The following CPNE9 variants were observed in gnomAD, a reference collection of about 807,000 sequenced individuals.
CPNE9 encodes the protein copine family member 9.
Under a neutral mutation model 83.0 loss-of-function variants are expected in CPNE9, and 59 were observed. That is an observed-to-expected ratio of 0.71 (90% CI 0.58 to 0.88). The LOEUF (loss-of-function observed/expected upper bound fraction) is 0.88. Among genes scored for constraint, CPNE9 ranks in the 40% least tolerant of loss-of-function variants. The probability of loss-of-function intolerance (pLI) is 0.00; values close to 1 mark genes in which losing one functional copy is unlikely to be tolerated. For synonymous variants in CPNE9, 256 were observed against 273.4 expected, an observed-to-expected ratio of 0.94 and a Z score of 0.63; for missense variants, 619 against 720.8, an observed-to-expected ratio of 0.86 and a Z score of 1.62.
chr3:9,704,651 G>A lies in CPNE9; in HGVS notation c.109+24G>A. ...CAGTAGGCGGCTCCAGGACCGGGAG[G>A]GGGAACTTGGGGTCTGGGCGCGACT... is the stretch of plus-strand genomic sequence containing the variant. On this transcript the variant is annotated intron_variant, in intron 2 of 20. Transcript: ENST00000383832. The surrounding 1 kb of genome is among the most constrained non-coding windows in gnomAD (Gnocchi z 7.1). 6.2e-7 allele frequency: 1 copy of A among 1,613,540 alleles called. No homozygotes were observed. The highest frequency in any genetic ancestry group is 8.5e-7 in the Non-Finnish European group (1 of 1,179,484).
intron 17 of CPNE9, among the ~76,000 whole-genome samples, chr3:9,724,157 G>T (rs2076756376): frequency 6.6e-6 from 1 of 150,950 alleles, no homozygotes; most frequent in Non-Finnish European, 1.5e-5. Flanking sequence ...AGAGACCAGG[G>T]TCTCCCACTA....
intron 8 of CPNE9, 60 bp from the exon 9 acceptor site, chr3:9,712,665 G>A: frequency 4.4e-6 from 7 of 1,606,684 alleles, no homozygotes; most frequent in Non-Finnish European, 6.0e-6. Context: ...ACCCTTTAAT[G>A]GACTGTCTGA....
At chr3:9,706,178 G>GC (rs2076562467) in intron 7 of CPNE9, 115 bp downstream of exon 7, 2 of 929,756 alleles carry the variant, frequency 2.2e-6, no homozygotes, top group Non-Finnish European at 3.3e-6. Context: ...TCAGGAGCCT[G>GC]CCCCGGCTCC....
Position 9,704,957 on chromosome 3 carries a change from T to C in CPNE9, c.223T>C (p.Tyr75His), listed in dbSNP as rs1292937767. Reference protein sequence around the residue: ...PDFVRKFVLDYFFEEKQNLRF... With the variant: ...PDFVRKFVLDHFFEEKQNLRF... Reference sequence around the variant, plus strand: ...CTTCGTGCGCAAATTCGTCCTCGACTATTTCTTTGAGGAAAAGCAAAATCT... The same window carrying C: ...CTTCGTGCGCAAATTCGTCCTCGACCATTTCTTTGAGGAAAAGCAAAATCT... Residue 75 changes from tyrosine (Y) to histidine (H), a missense_variant, in exon 4 of 21, where the codon TAT (tyrosine) becomes CAT (histidine). Transcript: ENST00000383832. This position sits in a 1 kb window ranked among gnomAD's most constrained non-coding sequence, Gnocchi z 7.1. The C allele has an allele frequency of 6.2e-7, 1 of 1,613,296 alleles. No individual in the cohort carries two copies. Among genetic ancestry groups the C allele is most frequent in the Non-Finnish European group, 8.5e-7 (1 of 1,179,870 alleles).
At chr3:9,706,905 A>T (rs1182909313) in intron 7 of CPNE9, among the ~76,000 whole-genome samples, 3 of 152,192 alleles carry the variant, frequency 2.0e-5, no homozygotes, top group African/African-American at 7.2e-5. Context: ...GAGCCAGGTG[A>T]CTGGGAGGCA....
chr3:9,722,855 C>G (rs949521483), intron 17 of CPNE9, among the ~76,000 whole-genome samples: 1 of 152,126 alleles, frequency 6.6e-6, no homozygotes, highest in African/African-American at 2.4e-5. Context: ...GTGGTTTGCA[C>G]TTGCCATTCT....
Position 9,724,770 on chromosome 3 carries a change from A to G in CPNE9, c.1242-1179A>G, listed in dbSNP as rs553459808. Among the ~76,000 whole-genome samples, 18 of 126,192 alleles carry G rather than the reference A, an allele frequency of 1.4e-4. No homozygotes were observed. The South Asian group carries it at 2.0e-3, about 14-fold the overall frequency. 82.8% of individuals were successfully genotyped at this position (126,192 alleles called of 152,430 possible). A position where few individuals can be genotyped will look rare whatever the true frequency, so the allele number is the denominator to read the frequency against. On this transcript the variant is annotated intron_variant, in intron 17 of 20. Transcript: ENST00000383832. ...TATCTATCTATCTATCTATCTATCT[A>G]TCTGAGACGGAGTCTCGCTCTTGTC... is the stretch of plus-strand genomic sequence containing the variant.
Position 9,705,724 on chromosome 3 carries a change from A to G in CPNE9, c.300+4A>G. The G allele has an allele frequency of 6.2e-7, 1 of 1,601,312 alleles. No homozygotes were observed. The highest frequency in any genetic ancestry group is 8.6e-7 in the Non-Finnish European group (1 of 1,168,418). On this transcript the variant is annotated splice_donor_region_variant and intron_variant, in intron 6 of 20. Transcript: ENST00000383832. Reference sequence around the variant, plus strand: ...CCACTGCTGGGACCTGCAGAAGGTGAGGCTGAATGGGGCTGGGCAGAGGTT... The same window carrying G: ...CCACTGCTGGGACCTGCAGAAGGTGGGGCTGAATGGGGCTGGGCAGAGGTT...
intron 10 of CPNE9, among the ~76,000 whole-genome samples, chr3:9,714,496 C>A (rs914043540): frequency 1.6e-4 from 23 of 144,032 alleles, no homozygotes; most frequent in Admixed American, 9.8e-4. Flanking sequence ...AGCCAAATTA[C>A]TTTTTTTTTT....
At chr3:9,724,350 G>C (rs1027738369) in intron 17 of CPNE9, among the ~76,000 whole-genome samples, 1 of 152,160 alleles carries the variant, frequency 6.6e-6, no homozygotes, top group Non-Finnish European at 1.5e-5. Context: ...GACTGCATGG[G>C]GCCCAGCAGC....
At chr3:9,726,077 A>T (rs574537034) in intron 18 of CPNE9, 26 bp downstream of exon 18, 1 of 1,456,126 alleles carries the variant, frequency 6.9e-7, no homozygotes, top group East Asian at 2.4e-5. Flanking sequence ...AGGGCTTGGC[A>T]GGGAGGAGTA....
chr3:9,725,682 A>ATATGTATATATGTGTGTATATATG (rs142038329), intron 17 of CPNE9, among the ~76,000 whole-genome samples: 2 of 123,022 alleles, frequency 1.6e-5, no homozygotes, highest in African/African-American at 6.2e-5. Context: ...ATGTGTATAT[A>ATATGTATATATGTGTGTATATATG]TATATACATA....
At chr3:9,720,564 T>C (rs2076725538) in intron 17 of CPNE9, among the ~76,000 whole-genome samples, 1 of 152,222 alleles carries the variant, frequency 6.6e-6, no homozygotes, top group Non-Finnish European at 1.5e-5. Context: ...AAAGTTTCAA[T>C]AGAGAAATGA....
intron 5 of CPNE9, 48 bp downstream of exon 5, chr3:9,705,548 T>TA: frequency 1.2e-6 from 2 of 1,602,212 alleles, no homozygotes; most frequent in Non-Finnish European, 1.7e-6. Flanking sequence ...AGGAGGCACT[T>TA]AGATGTGTTC....
At position 9,713,945 on chromosome 3, in the gene CPNE9, C is replaced by T. The variant is rs974656240; in HGVS notation, c.650+866C>T. ...AAAATTAGCCGGGCGTGGTGGTGGG[C>T]GCCTGTAGTTCCAGCTACTCAGGAG... On this transcript the variant is annotated intron_variant, in intron 10 of 20. Transcript: ENST00000383832. Among the ~76,000 whole-genome samples, 8 of 151,834 alleles carry T rather than the reference C, an allele frequency of 5.3e-5. No homozygotes were observed. The East Asian group carries it at 9.7e-4, about 18-fold the overall frequency.
intron 17 of CPNE9, among the ~76,000 whole-genome samples, chr3:9,720,386 TC>T (rs1030496671): frequency 7.2e-5 from 11 of 151,996 alleles, no homozygotes; most frequent in Admixed American, 2.6e-4. Flanking sequence ...TTTTTAACTT[TC>T]CTTTTAAGTT....
At chr3:9,722,165 C>CCA (rs1042867310) in intron 17 of CPNE9, among the ~76,000 whole-genome samples, 3 of 151,564 alleles carry the variant, frequency 2.0e-5, no homozygotes, top group Non-Finnish European at 2.9e-5. Context: ...GATCCACCCC[C>CCA]CCCCGCCACC....
chr3:9,706,123 A>G (rs752906945), intron 7 of CPNE9, 60 bp downstream of exon 7: 20 of 1,529,084 alleles, frequency 1.3e-5, no homozygotes, highest in Middle Eastern at 1.7e-4. Context: ...CTCCCTCCCA[A>G]GGATGCCGCT....
At chr3:9,715,601 T>C (rs1027750113) in intron 13 of CPNE9, 75 bp downstream of exon 13, 6 of 1,296,682 alleles carry the variant, frequency 4.6e-6, no homozygotes, top group Non-Finnish European at 6.7e-6. Flanking sequence ...ATGGCAAATA[T>C]CGAGGGCAGG....
Sources: allele counts gnomAD v4.1 joint callset (sites outside exome capture counted in the v4.1 genomes callset), GRCh38; gene constraint gnomAD v4.1.1; non-coding constraint Gnocchi (gnomAD v3.1); transcripts MANE v1.5; gene names NCBI Gene and HGNC (gene_info 2026-07-23, HGNC 2026-07-21).